Variants in AGBL4 observed in about 807,000 individuals in gnomAD.
The protein encoded by AGBL4 is AGBL carboxypeptidase 4, also known as cytosolic carboxypeptidase 6.
AGBL4 carries 58 observed loss-of-function variants against 66.4 expected under a neutral mutation model. The ratio of observed to expected loss-of-function variants is 0.87; its 90% CI spans 0.71 to 1.09. The LOEUF (loss-of-function observed/expected upper bound fraction) is 1.09. Among genes scored for constraint, AGBL4 ranks in the 50% least tolerant of loss-of-function variants. AGBL4 has a pLI of 0.00. For synonymous variants in AGBL4, 234 were observed against 222.9 expected (o/e 1.05, Z -0.44); for missense variants, 579 against 631.0 (o/e 0.92, Z 0.88).
At chr1:48,809,240 C>G (rs1477349862) in intron 6 of AGBL4, among the ~76,000 whole-genome samples, 1 of 152,110 alleles carries the variant, frequency 6.6e-6, no homozygotes, top group Non-Finnish European at 1.5e-5. Flanking sequence ...GAAGTTATTT[C>G]CAAAAAGACC....
At chr1:49,850,939 G>A (rs764445479) in intron 2 of AGBL4, among the ~76,000 whole-genome samples, 2 of 151,918 alleles carry the variant, frequency 1.3e-5, no homozygotes, top group African/African-American at 4.8e-5. Flanking sequence ...TGCCAATTAC[G>A]AGGAAATTTT....
chr1:49,213,410 G>A (rs946541480), intron 4 of AGBL4, among the ~76,000 whole-genome samples: 6 of 152,072 alleles, frequency 3.9e-5, no homozygotes, highest in Non-Finnish European at 5.9e-5. Flanking sequence ...TTGGGTCATG[G>A]CGGCAGATCC....
rs1005506009 is a variant in AGBL4 at position 49,523,831 on chromosome 1, A to T, written c.282+173482T>A. On this transcript the variant is annotated intron_variant, in intron 3 of 13. Transcript: ENST00000371839. ...TGCACTCAGCCTAAACTCACATATA[A>T]GTTCTAAGTGGGTAGGGTTCATGCC... Among the ~76,000 whole-genome samples, 99 of 152,094 alleles carry T rather than the reference A, an allele frequency of 6.5e-4. 1 individual carries two copies. The highest frequency in any genetic ancestry group is 2.3e-3 in the African/African-American group (96 of 41,430).
chr1:49,070,821 T>C (rs1483845859), intron 4 of AGBL4, among the ~76,000 whole-genome samples: 1 of 152,008 alleles, frequency 6.6e-6, no homozygotes, highest in African/African-American at 2.4e-5. Context: ...CAGCTCCTCT[T>C]TGTGCCTCTG....
intron 6 of AGBL4, among the ~76,000 whole-genome samples, chr1:48,747,930 CT>C (rs1225486694): frequency 6.6e-6 from 1 of 151,636 alleles, no homozygotes; most frequent in African/African-American, 2.4e-5. Flanking sequence ...TTCTTTCTTT[CT>C]TTTTTTTAGA....
chr1:49,765,464 A>G (rs1311117693), intron 2 of AGBL4, among the ~76,000 whole-genome samples: 1 of 152,132 alleles, frequency 6.6e-6, no homozygotes, highest in Non-Finnish European at 1.5e-5. Flanking sequence ...CCTATTCACA[A>G]AAAAATAATT....
chr1:49,917,575 T>C (rs1215134418), intron 1 of AGBL4, among the ~76,000 whole-genome samples: 1 of 152,042 alleles, frequency 6.6e-6, no homozygotes, highest in Non-Finnish European at 1.5e-5. Context: ...AGCACCAAGA[T>C]TCATAAAGCA....
At chr1:49,101,545 A>G (rs975331710) in intron 4 of AGBL4, among the ~76,000 whole-genome samples, 2 of 152,156 alleles carry the variant, frequency 1.3e-5, no homozygotes, top group Non-Finnish European at 2.9e-5. Context: ...GGTTCTAAAT[A>G]AGAATACTCT....
At chr1:49,260,148 AT>A (rs1249754745) in intron 3 of AGBL4, among the ~76,000 whole-genome samples, 2 of 151,562 alleles carry the variant, frequency 1.3e-5, no homozygotes, top group Non-Finnish European at 3.0e-5. Flanking sequence ...TCTGGGACAC[AT>A]TCAAAGCAGT....
rs186389629 is a variant in AGBL4 at position 49,709,974 on chromosome 1, C to T, written c.158-12537G>A. ...TGGAGAGGATGTGGAGAAATAGGAA[C>T]GCTTTACACTGTTGGTGGGAGTGTA... is the stretch of plus-strand genomic sequence containing the variant. On this transcript the variant is annotated intron_variant, in intron 2 of 13. Transcript: ENST00000371839. Among the ~76,000 whole-genome samples the T allele has an allele frequency of 1.5e-3, 224 of 152,246 alleles. 2 individuals carry two copies. In the South Asian group the frequency reaches 0.028, roughly 19 times the overall value.
intron 2 of AGBL4, among the ~76,000 whole-genome samples, chr1:49,712,758 C>T (rs536690206): frequency 6.6e-6 from 1 of 151,952 alleles, no homozygotes; most frequent in East Asian, 1.9e-4. Flanking sequence ...TTGGGTTAGA[C>T]CACTTGGATT....
intron 5 of AGBL4, among the ~76,000 whole-genome samples, chr1:48,902,002 C>T (rs147238075): frequency 3.4e-4 from 51 of 152,154 alleles, no homozygotes; most frequent in African/African-American, 1.2e-3. Context: ...AGACAAGAGA[C>T]GAGAGCCTGT....
chr1:49,579,666 A>T (rs978097252), intron 3 of AGBL4, among the ~76,000 whole-genome samples: 52 of 151,854 alleles, frequency 3.4e-4, no homozygotes, highest in African/African-American at 1.2e-3. Flanking sequence ...TGCCCAGCTA[A>T]TTTTTTGTAT....
intron 6 of AGBL4, among the ~76,000 whole-genome samples, chr1:48,666,387 A>G (rs1646188129): frequency 6.6e-6 from 1 of 152,168 alleles, no homozygotes; most frequent in Non-Finnish European, 1.5e-5. Flanking sequence ...GAGATAGAAC[A>G]ACTAAAGAGC....
At chr1:48,823,005 C>T (rs1173421721) in intron 6 of AGBL4, among the ~76,000 whole-genome samples, 1 of 152,216 alleles carries the variant, frequency 6.6e-6, no homozygotes, top group Admixed American at 6.5e-5. Context: ...AGGACCTTTT[C>T]ATTCCATTGC....
chr1:48,661,174 C>T (rs962702040), intron 7 of AGBL4, among the ~76,000 whole-genome samples: 1 of 152,146 alleles, frequency 6.6e-6, no homozygotes. Context: ...TAGAGATGAC[C>T]GTTATCAATA....
At chr1:49,623,189 G>C (rs182087909) in intron 3 of AGBL4, among the ~76,000 whole-genome samples, 1 of 152,108 alleles carries the variant, frequency 6.6e-6, no homozygotes, top group Non-Finnish European at 1.5e-5. Flanking sequence ...GCTGGTGATC[G>C]CTCCACAAAG....
intron 3 of AGBL4, among the ~76,000 whole-genome samples, chr1:49,566,517 GT>G (rs1483917406): frequency 2.0e-5 from 3 of 152,166 alleles, no homozygotes; most frequent in Admixed American, 2.0e-4. Context: ...CCTTCTAACA[GT>G]CAGGAACCTC....
intron 3 of AGBL4, among the ~76,000 whole-genome samples, chr1:49,623,763 C>G (rs537495697): frequency 2.6e-5 from 4 of 152,156 alleles, no homozygotes; most frequent in Non-Finnish European, 4.4e-5. Context: ...TTGTGAGCTC[C>G]TCAAGGTCAA....
Sources: gnomAD v4.1 joint callset for allele counts (sites outside exome capture counted in the v4.1 genomes callset) on GRCh38, gnomAD v4.1.1 for gene constraint, MANE v1.5 for transcripts, NCBI Gene and HGNC (gene_info 2026-07-23, HGNC 2026-07-21) for gene names.